The following HCLS1 variants were observed in gnomAD, a reference collection of about 807,000 sequenced individuals.
HCLS1 encodes hematopoietic cell-specific Lyn substrate 1.
In HCLS1, 44 loss-of-function variants were observed where a neutral mutation model predicts 68.6. The ratio of observed to expected loss-of-function variants is 0.64; its 90% CI spans 0.50 to 0.82. The LOEUF is 0.82. Ranked by LOEUF, HCLS1 falls within the 40% of genes least tolerant of loss-of-function variation. The pLI is 0.00. For missense variants in HCLS1, 602 were observed against 612.1 expected (o/e 0.98, Z 0.17); for synonymous variants, 217 against 225.8 (o/e 0.96, Z 0.35).
intron 4 of HCLS1, 67 bp from the exon 5 acceptor site, chr3:121,644,995 T>C (rs1378706349): frequency 5.9e-6 from 7 of 1,187,288 alleles, no homozygotes; most frequent in Admixed American, 3.5e-5. Flanking sequence ...AATACAGATA[T>C]GGAGTGGGAT....
chr3:121,660,322 G>A (rs6438648), intron 1 of HCLS1, among the ~76,000 whole-genome samples: 1,604 of 152,248 alleles, frequency 0.011, 28 homozygotes, highest in African/African-American at 0.036. Flanking sequence ...TGTGATCTAC[G>A]AACACAGAAA....
At chr3:121,641,121 T>C (rs1560139855) in intron 6 of HCLS1, among the ~76,000 whole-genome samples, 1 of 152,056 alleles carries the variant, frequency 6.6e-6, no homozygotes, top group Non-Finnish European at 1.5e-5. Flanking sequence ...GTAAGTCCCA[T>C]ATAGGATAAT....
chr3:121,632,634 C>T, intron 11 of HCLS1, 71 bp from the exon 12 acceptor site: 1 of 1,359,838 alleles, frequency 7.4e-7, no homozygotes, highest in Non-Finnish European at 1.0e-6. Context: ...CTGATAAGAT[C>T]CCCCGCCCTT....
At chr3:121,643,213 T>A (rs1455274740) in intron 5 of HCLS1, 7 of 390,596 alleles carry the variant, frequency 1.8e-5, no homozygotes, top group Non-Finnish European at 2.9e-5. Flanking sequence ...CTATTTATAG[T>A]TGTTGAAGTT....
intron 8 of HCLS1, 129 bp from the exon 9 acceptor site, chr3:121,635,933 A>G: frequency 2.9e-6 from 2 of 700,164 alleles, no homozygotes; most frequent in East Asian, 5.1e-5. Context: ...ACAGCTGGAC[A>G]GCATGTTCCA....
chr3:121,650,964 C>T lies in HCLS1; in HGVS notation c.159-3516G>A, dbSNP rs142271721. Among the ~76,000 whole-genome samples the T allele has an allele frequency of 7.5e-3, 1,148 of 152,142 alleles. 10 individuals carry two copies. Among genetic ancestry groups the T allele is most frequent in the Non-Finnish European group, 0.012 (834 of 67,996 alleles). ...CAGCCTAGCCACTATGGTGAAACCC[C>T]GTCTCTACCAAAAATACAAAAATTA... On this transcript the variant is annotated intron_variant, in intron 3 of 13. Coordinates refer to ENST00000314583, the MANE Select transcript of HCLS1 (RefSeq NM_005335.6).
chr3:121,631,608 G>A lies in HCLS1; in HGVS notation c.*238C>T, dbSNP rs2049097893. ...TGGGGTGGCAGAGAGGTGTTCATTG[G>A]GAAGGAGTCAGGAACACAAGAGAAA... On this transcript the variant is annotated 3_prime_UTR_variant, in exon 14 of 14. Coordinates refer to ENST00000314583, the MANE Select transcript of HCLS1 (RefSeq NM_005335.6). 1.0e-5 allele frequency: 5 copies of A among 488,360 alleles called. No individual in the cohort carries two copies. In the South Asian group the frequency reaches 1.4e-4, roughly 14 times the overall value. 30.3% of individuals were successfully genotyped at this position (488,360 alleles called of 1,614,324 possible).
chr3:121,659,352 C>G lies in HCLS1; in HGVS notation c.1-1005G>C, dbSNP rs192892129. ...TCATCTGCTGTGGTCACCACTGAGACTTCTTGACCCTGGCAGCACTTGCTA... is the reference window on the plus strand; with the variant it reads ...TCATCTGCTGTGGTCACCACTGAGAGTTCTTGACCCTGGCAGCACTTGCTA... On this transcript the variant is annotated intron_variant, in intron 1 of 13. Transcript: ENST00000314583. Among the ~76,000 whole-genome samples the G allele has an allele frequency of 3.9e-5, 6 of 152,284 alleles. No individual in the cohort carries two copies. In the East Asian group the frequency reaches 9.6e-4, roughly 24 times the overall value.
chr3:121,632,349 A>C lies in HCLS1; in HGVS notation c.1223T>G (p.Phe408Cys), dbSNP rs1403735481. ...TCACTCACCAGCCAGAGCAGAAGAAAAAGAAGAATCTTCAGGCTCGAGCAC... is the reference window on the plus strand; with the variant it reads ...TCACTCACCAGCCAGAGCAGAAGAACAAGAAGAATCTTCAGGCTCGAGCAC... ...EEVLEPEDSSFSSALAGSSGC... is the reference protein window; with the variant it reads ...EEVLEPEDSSCSSALAGSSGC... The change falls in exon 12 of 14, where the codon TTT becomes TGT. Residue 408 changes from phenylalanine (F) to cysteine (C), a missense_variant. Coordinates refer to ENST00000314583, the MANE Select transcript of HCLS1 (RefSeq NM_005335.6). 2 of 1,614,134 alleles carry C rather than the reference A, an allele frequency of 1.2e-6. No individual in the cohort carries two copies. Among genetic ancestry groups the C allele is most frequent in the African/African-American group, 2.7e-5 (2 of 75,040 alleles).
At chr3:121,651,761 T>G (rs146596173) in intron 3 of HCLS1, among the ~76,000 whole-genome samples, 18 of 152,298 alleles carry the variant, frequency 1.2e-4, no homozygotes, top group Admixed American at 2.6e-4. Flanking sequence ...GACAAAAATG[T>G]GGAGCATCTG....
At chr3:121,657,218 G>A (rs947374753) in intron 3 of HCLS1, 61 bp downstream of exon 3, 4 of 1,416,040 alleles carry the variant, frequency 2.8e-6, no homozygotes, top group Non-Finnish European at 4.0e-6. Context: ...CCAAGTCTCC[G>A]AGTTTTCTTT....
At chr3:121,650,542 G>GTAT (rs1172236590) in intron 3 of HCLS1, among the ~76,000 whole-genome samples, 1 of 152,094 alleles carries the variant, frequency 6.6e-6, no homozygotes, top group Non-Finnish European at 1.5e-5. Context: ...TGCCAGGTAA[G>GTAT]TCAATGGGAA....
chr3:121,646,862 T>C (rs905533086), intron 4 of HCLS1, among the ~76,000 whole-genome samples: 26 of 143,902 alleles, frequency 1.8e-4, no homozygotes, highest in African/African-American at 6.6e-4. Context: ...TTATATATAC[T>C]TATATATAGT....
Position 121,631,552 on chromosome 3 carries a change from C to G in HCLS1, c.*294G>C, listed in dbSNP as rs950226285. On this transcript the variant is annotated 3_prime_UTR_variant, in exon 14 of 14. Transcript: ENST00000314583. Reference sequence around the variant, plus strand: ...TTTCCCGGGTAAACAAACTGGGAAGCCCAGAGCTCACAGAGGAGGAGAGCA... The same window carrying G: ...TTTCCCGGGTAAACAAACTGGGAAGGCCAGAGCTCACAGAGGAGGAGAGCA... 47 of 341,124 alleles carry G rather than the reference C, an allele frequency of 1.4e-4. No homozygotes were observed. The highest frequency in any genetic ancestry group is 2.0e-4 in the Non-Finnish European group (38 of 185,664). 21.1% of individuals were successfully genotyped at this position (341,124 alleles called of 1,614,324 possible).
In HCLS1 at chr3:121,632,468, G is replaced by GGGCTCAGGCTCA. The variant is rs150627065; in HGVS notation, c.1092_1103dup (p.Pro372_Glu375dup). On this transcript the variant is annotated inframe_insertion, in exon 12 of 14. Coordinates refer to ENST00000314583, the MANE Select transcript of HCLS1 (RefSeq NM_005335.6). Reference sequence around the variant, plus strand: ...CATTCTCAGGCTCGGGCTCAGGCTCGGGCTCAGGCTCAGGCTCTGCTTCGT... The same window carrying GGGCTCAGGCTCA: ...CATTCTCAGGCTCGGGCTCAGGCTCGGGCTCAGGCTCAGGCTCAGGCTCAGGCTCTGCTTCGT... 0.23 allele frequency: 374,596 copies of GGGCTCAGGCTCA among 1,612,982 alleles called. 45,549 individuals carry two copies. Among genetic ancestry groups the GGGCTCAGGCTCA allele is most frequent in the East Asian group, 0.4 (18,099 of 44,784 alleles).
At chr3:121,657,247 C>T (rs772704569) in intron 3 of HCLS1, 32 bp downstream of exon 3, 9 of 1,594,740 alleles carry the variant, frequency 5.6e-6, no homozygotes, top group South Asian at 1.1e-5. Context: ...CCCATAACCC[C>T]CTTCCTTTTC....
chr3:121,635,169 T>A (rs2049137094), intron 9 of HCLS1, among the ~76,000 whole-genome samples: 1 of 151,906 alleles, frequency 6.6e-6, no homozygotes, highest in Non-Finnish European at 1.5e-5. Flanking sequence ...CGTCACTCTG[T>A]CTATCCACTT....
At chr3:121,660,668 C>T (rs1457717524) in intron 1 of HCLS1, among the ~76,000 whole-genome samples, 152 bp downstream of exon 1, 1 of 152,160 alleles carries the variant, frequency 6.6e-6, no homozygotes, top group Non-Finnish European at 1.5e-5. Context: ...TGCTGATTTG[C>T]TACAACCACT....
chr3:121,632,208 TG>T (rs2108855133), intron 12 of HCLS1, 24 bp from the exon 13 acceptor site: 2 of 1,611,648 alleles, frequency 1.2e-6, no homozygotes, highest in East Asian at 4.5e-5. Flanking sequence ...AACACAAACA[TG>T]GGATCATCAA....
Sources: allele counts gnomAD v4.1 joint callset (sites outside exome capture counted in the v4.1 genomes callset), GRCh38; gene constraint gnomAD v4.1.1; transcripts MANE v1.5; gene names NCBI Gene and HGNC (gene_info 2026-07-23, HGNC 2026-07-21).